Variants in CACNA1C observed in about 807,000 individuals in gnomAD.
The protein encoded by CACNA1C is calcium voltage-gated channel subunit alpha1 C.
In CACNA1C, 30 loss-of-function variants were observed where a neutral mutation model predicts 229.0. The observed-to-expected ratio is 0.13, with a 90% CI of 0.10 to 0.18. The LOEUF (loss-of-function observed/expected upper bound fraction) is 0.18. Among genes scored for constraint, CACNA1C ranks in the 10% least tolerant of loss-of-function variants. CACNA1C has a pLI of 1.00. For synonymous variants in CACNA1C, 1,114 were observed against 1,132.5 expected (o/e 0.98, Z 0.33); for missense variants, 1,658 against 2,845.0 (o/e 0.58, Z 9.49).
At chr12:2,574,445 G>T (rs1050606295) in intron 13 of CACNA1C, among the ~76,000 whole-genome samples, 2 of 152,178 alleles carry the variant, frequency 1.3e-5, no homozygotes, top group Non-Finnish European at 2.9e-5. Context: ...GTGCAGTGAG[G>T]CCCCTCTAGC....
chr12:2,017,531 G>C (rs1049514309), intron 1 of CACNA1C, among the ~76,000 whole-genome samples: 3 of 143,948 alleles, frequency 2.1e-5, no homozygotes, highest in African/African-American at 8.9e-5. Flanking sequence ...CTTCCAGATA[G>C]AGTTTTTCAC....
chr12:2,174,224 A>G (rs1378442593), intron 3 of CACNA1C, among the ~76,000 whole-genome samples: 1 of 152,090 alleles, frequency 6.6e-6, no homozygotes, highest in African/African-American at 2.4e-5. Flanking sequence ...AAAACTCTAG[A>G]CATCACCAGT....
intron 1 of CACNA1C, among the ~76,000 whole-genome samples, chr12:1,978,141 T>C (rs1305742840): frequency 6.6e-6 from 1 of 152,194 alleles, no homozygotes; most frequent in East Asian, 1.9e-4. Flanking sequence ...CTTGCTTCTC[T>C]GACCATGGGG....
At chr12:2,636,980 T>C (rs551146639) in intron 30 of CACNA1C, among the ~76,000 whole-genome samples, 1 of 152,044 alleles carries the variant, frequency 6.6e-6, no homozygotes, top group South Asian at 2.1e-4. Flanking sequence ...CAAGAGGAGG[T>C]GTCCTGAGAC....
At chr12:2,085,486 G>A (rs1468759201) in intron 1 of CACNA1C, among the ~76,000 whole-genome samples, 2 of 152,104 alleles carry the variant, frequency 1.3e-5, no homozygotes, top group East Asian at 3.9e-4. Context: ...GTGCCACCAA[G>A]TTGGCCAAGC....
At chr12:2,025,807 C>T (rs1269218334) in intron 1 of CACNA1C, among the ~76,000 whole-genome samples, 1 of 152,176 alleles carries the variant, frequency 6.6e-6, no homozygotes, top group African/African-American at 2.4e-5. Context: ...ATATTTTTGT[C>T]CTCTTCTCAG....
Position 2,601,469 on chromosome 12 carries a change from G to A in CACNA1C, c.2854-385G>A, listed in dbSNP as rs1046532084. Among the ~76,000 whole-genome samples, 1 of 152,168 alleles carries A rather than the reference G, an allele frequency of 6.6e-6. No individual in the cohort carries two copies. Among genetic ancestry groups the A allele is most frequent in the East Asian group, 1.9e-4 (1 of 5,182 alleles). On this transcript the variant is annotated intron_variant, in intron 21 of 46. Coordinates refer to ENST00000399655, the MANE Select transcript of CACNA1C (RefSeq NM_000719.7). The surrounding 1 kb of genome is among the most constrained non-coding windows in gnomAD (Gnocchi z 5.9). The stretch of plus-strand genomic sequence containing the variant: ...CTCAAGCATTTGGAGAGGCAGTCGG[G>A]ATGTGTGCTCCCAACCCGACAGCAT...
At chr12:2,057,217 G>C (rs1331781525) in intron 1 of CACNA1C, among the ~76,000 whole-genome samples, 4 of 152,226 alleles carry the variant, frequency 2.6e-5, no homozygotes, top group African/African-American at 9.6e-5. Context: ...GATCCAAGGA[G>C]CATACTGACT....
intron 7 of CACNA1C, among the ~76,000 whole-genome samples, chr12:2,499,366 T>A (rs927583662): frequency 2.0e-5 from 3 of 152,064 alleles, no homozygotes; most frequent in Admixed American, 1.3e-4. Flanking sequence ...CGATTCAGCC[T>A]TTTTGGATCC....
chr12:2,672,691 C>T (rs1029134287), intron 38 of CACNA1C, among the ~76,000 whole-genome samples: 3 of 152,216 alleles, frequency 2.0e-5, no homozygotes, highest in South Asian at 2.1e-4. Flanking sequence ...ACTTAGGGCC[C>T]ACCCTCATCC....
In CACNA1C at chr12:2,015,360, T is replaced by G. The variant is rs74063105; in HGVS notation, c.139+44159T>G. ...GTTTTCTGTAGTGGAGGCTGAAAAC[T>G]TCAGGGGAAAGCTGTCTGGAGTCAG... On this transcript the variant is annotated intron_variant, in intron 1 of 46. Transcript: ENST00000682462. Among the ~76,000 whole-genome samples, 221 of 152,304 alleles carry G rather than the reference T, an allele frequency of 1.5e-3. 1 individual carries two copies. Among genetic ancestry groups the G allele is most frequent in the African/African-American group, 5.2e-3 (215 of 41,574 alleles).
intron 3 of CACNA1C, among the ~76,000 whole-genome samples, chr12:2,369,941 A>G (rs1409772146): frequency 1.3e-5 from 2 of 152,244 alleles, no homozygotes; most frequent in Non-Finnish European, 2.9e-5. Context: ...TTTGGAAGGC[A>G]AACACACACT....
In CACNA1C at chr12:2,654,929, G is replaced by A. The variant is rs2095332764; in HGVS notation, c.4141-218G>A. Among the ~76,000 whole-genome samples, 2 of 152,164 alleles carry A rather than the reference G, an allele frequency of 1.3e-5. No homozygotes were observed. The highest frequency in any genetic ancestry group is 4.1e-4 in the South Asian group (2 of 4,826). On this transcript the variant is annotated intron_variant, in intron 33 of 46. Coordinates refer to ENST00000399655, the MANE Select transcript of CACNA1C (RefSeq NM_000719.7). This position sits in a 1 kb window ranked among gnomAD's most constrained non-coding sequence, Gnocchi z 4.4. ...GCTGCAGGGACCTTCCTGAGGCTGT[G>A]GGCACTTTGATTCTCATGCTTGTCC... is the stretch of plus-strand genomic sequence containing the variant.
intron 3 of CACNA1C, among the ~76,000 whole-genome samples, chr12:2,322,256 G>A (rs182708576): frequency 6.6e-6 from 1 of 152,330 alleles, no homozygotes; most frequent in East Asian, 1.9e-4. Context: ...AATCACAGGG[G>A]CACTGGAGCC....
At chr12:2,514,680 C>T (rs1466780241) in intron 9 of CACNA1C, among the ~76,000 whole-genome samples, 5 of 152,090 alleles carry the variant, frequency 3.3e-5, no homozygotes, top group Non-Finnish European at 5.9e-5. Flanking sequence ...TTGTGACTGA[C>T]GGTGATGAGC....
chr12:2,663,780 C>T (rs1422634393), intron 34 of CACNA1C, among the ~76,000 whole-genome samples: 5 of 130,740 alleles, frequency 3.8e-5, no homozygotes, highest in Non-Finnish European at 7.7e-5. Context: ...CTCGCTCTGT[C>T]GCCCAGGCTG....
In CACNA1C at chr12:2,504,300, G is replaced by C. The variant is rs2099766855; in HGVS notation, c.1114-542G>C. 1 of 627,714 alleles carries C rather than the reference G, an allele frequency of 1.6e-6. No homozygotes were observed. The highest frequency in any genetic ancestry group is 2.8e-4 in the Middle Eastern group (1 of 3,604). 38.9% of individuals were successfully genotyped at this position (627,714 alleles called of 1,614,324 possible). A position where few individuals can be genotyped will look rare whatever the true frequency, so the allele number is the denominator to read the frequency against. ...ACATGGGCGATGCCCTGGGTAACAC[G>C]GGTAACCTGGTGCACATGAACAAAG... is the stretch of plus-strand genomic sequence containing the variant. On this transcript the variant is annotated intron_variant, in intron 7 of 46. Coordinates refer to ENST00000399655, the MANE Select transcript of CACNA1C (RefSeq NM_000719.7). The surrounding 1 kb of genome is among the most constrained non-coding windows in gnomAD (Gnocchi z 6.8).
rs2072451159 is a variant in CACNA1C at position 2,601,738 on chromosome 12, A to G, written c.2854-116A>G. On this transcript the variant is annotated intron_variant, in intron 21 of 46. Coordinates refer to ENST00000399655, the MANE Select transcript of CACNA1C (RefSeq NM_000719.7). This position sits in a 1 kb window ranked among gnomAD's most constrained non-coding sequence, Gnocchi z 5.9. ...GCCGTCTTTGTCCTTCCTGTTCCCC[A>G]TGGATGGTGCTTGGGACTTGCCCAA... is the stretch of plus-strand genomic sequence containing the variant. The G allele has an allele frequency of 2.7e-6, 2 of 742,312 alleles. No individual in the cohort carries two copies. Among genetic ancestry groups the G allele is most frequent in the Non-Finnish European group, 5.0e-6 (2 of 401,500 alleles). 46.0% of individuals were successfully genotyped at this position (742,312 alleles called of 1,614,324 possible).
chr12:2,012,075 T>G (rs1435170674), intron 1 of CACNA1C, among the ~76,000 whole-genome samples: 2 of 152,180 alleles, frequency 1.3e-5, no homozygotes, highest in Non-Finnish European at 2.9e-5. Flanking sequence ...CTTTTTAAAC[T>G]GATGTATGAA....
Sources: allele counts gnomAD v4.1 joint callset (sites outside exome capture counted in the v4.1 genomes callset), GRCh38; gene constraint gnomAD v4.1.1; non-coding constraint Gnocchi (gnomAD v3.1); transcripts MANE v1.5; gene names NCBI Gene and HGNC (gene_info 2026-07-23, HGNC 2026-07-21).